ZFYVE28: variants seen among roughly 807,000 people sequenced by gnomAD.
The protein encoded by ZFYVE28 is zinc finger FYVE-type containing 28.
Under a neutral mutation model 82.1 loss-of-function variants are expected in ZFYVE28, and 40 were observed. The observed-to-expected ratio is 0.49, with a 90% confidence interval of 0.38 to 0.63. The LOEUF (loss-of-function observed/expected upper bound fraction) is 0.63. Among genes scored for constraint, ZFYVE28 ranks in the 30% least tolerant of loss-of-function variants. The pLI is 0.00. For missense variants in ZFYVE28, 1,321 were observed against 1,242.1 expected (o/e 1.06, Z -0.96); for synonymous variants, 612 against 546.1 (o/e 1.12, Z -1.68).
intron 1 of ZFYVE28, among the ~76,000 whole-genome samples, chr4:2,376,888 T>C (rs1190631185): frequency 6.6e-6 from 1 of 151,822 alleles, no homozygotes; most frequent in Non-Finnish European, 1.5e-5. Flanking sequence ...ATTGCACCAC[T>C]GTACACCAGC....
At position 2,341,091 on chromosome 4, in the gene ZFYVE28, G is replaced by A. The variant is rs541967517; in HGVS notation, c.318+387C>T. Among the ~76,000 whole-genome samples the A allele has an allele frequency of 1.3e-5, 2 of 151,954 alleles. No homozygotes were observed. The highest frequency in any genetic ancestry group is 2.1e-4 in the South Asian group (1 of 4,826). On this transcript the variant is annotated intron_variant, in intron 3 of 12. Coordinates refer to ENST00000290974, the MANE Select transcript of ZFYVE28 (RefSeq NM_020972.3). This position sits in a 1 kb window ranked among gnomAD's most constrained non-coding sequence, Gnocchi z 4.5. ...CAGGCTATTGCCACATGTGGCCTGC[G>A]TGGGGCTGCAGCACGGCTCCCCAGC...
intron 1 of ZFYVE28, among the ~76,000 whole-genome samples, chr4:2,383,927 C>T (rs1267197943): frequency 1.3e-5 from 2 of 152,208 alleles, no homozygotes; most frequent in Admixed American, 6.5e-5. Flanking sequence ...ATGAGGTCGT[C>T]ACACAGGGTC....
chr4:2,291,490 C>T (rs1168119590), intron 8 of ZFYVE28, among the ~76,000 whole-genome samples: 2 of 152,186 alleles, frequency 1.3e-5, no homozygotes, highest in South Asian at 2.1e-4. Context: ...CCAAAGCCCC[C>T]GCTTCCACCC....
Position 2,416,802 on chromosome 4 carries a change from C to T in ZFYVE28, c.39+1483G>A, listed in dbSNP as rs1014347439. ...GAGTGACGCCACAGGAACCCTGAAT[C>T]CCCCCGAGTCCCCTCCCAATCAAGC... On this transcript the variant is annotated intron_variant, in intron 1 of 12. Transcript: ENST00000290974. The surrounding 1 kb of genome is among the most constrained non-coding windows in gnomAD (Gnocchi z 4.6). 8.5e-5 allele frequency among the ~76,000 whole-genome samples: 10 copies of T among 117,156 alleles called. No individual in the cohort carries two copies. Among genetic ancestry groups the T allele is most frequent in the Admixed American group, 6.8e-4 (9 of 13,184 alleles). 76.9% of individuals were successfully genotyped at this position (117,156 alleles called of 152,430 possible). A position where few individuals can be genotyped will look rare whatever the true frequency, so the allele number is the denominator to read the frequency against.
At chr4:2,311,101 T>G (rs191414525) in intron 7 of ZFYVE28, among the ~76,000 whole-genome samples, 1 of 152,366 alleles carries the variant, frequency 6.6e-6, no homozygotes, top group East Asian at 1.9e-4. Context: ...TATCCTCATA[T>G]CATTTTAATA....
chr4:2,369,464 C>T (rs1422373845), intron 1 of ZFYVE28, among the ~76,000 whole-genome samples: 2 of 152,176 alleles, frequency 1.3e-5, no homozygotes, highest in Non-Finnish European at 2.9e-5. Context: ...TACCCACCCA[C>T]AGTGGGTCAA....
intron 1 of ZFYVE28, among the ~76,000 whole-genome samples, chr4:2,391,780 G>A (rs111984914): frequency 0.12 from 17,493 of 142,864 alleles, 1,070 homozygotes; most frequent in Admixed American, 0.14. Flanking sequence ...CTGTTTCCCA[G>A]GCTGGAGTGC....
chr4:2,294,867 T>C (rs763447861), intron 8 of ZFYVE28, among the ~76,000 whole-genome samples: 1 of 152,094 alleles, frequency 6.6e-6, no homozygotes, highest in Non-Finnish European at 1.5e-5. Flanking sequence ...TTCCAGCTAA[T>C]TGGGAGGCTG....
chr4:2,290,105 AC>A (rs1243817617), intron 8 of ZFYVE28, among the ~76,000 whole-genome samples: 1 of 151,840 alleles, frequency 6.6e-6, no homozygotes, highest in East Asian at 1.9e-4. Flanking sequence ...CGTCAGAGCC[AC>A]CCCCCGGTCA....
rs1560280871 is a variant in ZFYVE28 at position 2,360,427 on chromosome 4, AGGCACGCAC to A, written c.40-6363_40-6355del. On this transcript the variant is annotated intron_variant, in intron 1 of 12. Transcript: ENST00000290974. Reference sequence around the variant, plus strand: ...CACACACACACACACACACACACACAGGCACGCACGCACACACAGAAACCCCGTGCTATT... The same window carrying A: ...CACACACACACACACACACACACACAGCACACACAGAAACCCCGTGCTATT... 9.5e-4 allele frequency among the ~76,000 whole-genome samples: 141 copies of A among 148,718 alleles called. 2 individuals are homozygous for A. The highest frequency in any genetic ancestry group is 3.5e-3 in the Middle Eastern group (1 of 286).
At chr4:2,353,077 T>C (rs912337606) in intron 2 of ZFYVE28, among the ~76,000 whole-genome samples, 9 of 152,114 alleles carry the variant, frequency 5.9e-5, no homozygotes, top group African/African-American at 2.2e-4. Context: ...TCTGAACACA[T>C]GGAAGGTGGA....
chr4:2,367,888 C>T lies in ZFYVE28; in HGVS notation c.40-13815G>A, dbSNP rs540134364. Reference sequence around the variant, plus strand: ...CCCAGGGTGGTTGCTCCTCTAATCACGGAGCCCCTGACTCTGACCCAACAT... The same window carrying T: ...CCCAGGGTGGTTGCTCCTCTAATCATGGAGCCCCTGACTCTGACCCAACAT... On this transcript the variant is annotated intron_variant, in intron 1 of 12. Transcript: ENST00000290974. 2.6e-5 allele frequency among the ~76,000 whole-genome samples: 4 copies of T among 152,298 alleles called. No individual in the cohort carries two copies. The South Asian group carries it at 6.2e-4, about 24-fold the overall frequency.
At chr4:2,299,030 T>A (rs1296414263) in intron 8 of ZFYVE28, among the ~76,000 whole-genome samples, 3 of 152,152 alleles carry the variant, frequency 2.0e-5, no homozygotes, top group Non-Finnish European at 4.4e-5. Context: ...TTTCTAGAAT[T>A]TCTATAAACT....
At chr4:2,369,532 C>T (rs111800113) in intron 1 of ZFYVE28, among the ~76,000 whole-genome samples, 4 of 152,232 alleles carry the variant, frequency 2.6e-5, no homozygotes, top group African/African-American at 9.6e-5. Context: ...TTTGGAAAAA[C>T]GGTTGTTGCA....
Position 2,305,430 on chromosome 4 carries a change from C to G in ZFYVE28, c.910G>C (p.Ala304Pro). The change falls in exon 8 of 13, where the codon GCT becomes CCT. Residue 304 changes from alanine to proline, a missense_variant. Coordinates refer to ENST00000290974, the MANE Select transcript of ZFYVE28 (RefSeq NM_020972.3). Reference protein sequence around the residue: ...FPIRADVQGPAALAPALSAPL... With the variant: ...FPIRADVQGPPALAPALSAPL... ...GCAGAGAGGGCAGGCGCCAGGGCAG[C>G]GGGTCCCTGCACGTCTGCGCGGATG... 1 of 1,612,770 alleles carries G rather than the reference C, an allele frequency of 6.2e-7. No homozygotes were observed. Among genetic ancestry groups the G allele is most frequent in the Non-Finnish European group, 8.5e-7 (1 of 1,179,922 alleles).
At chr4:2,306,774 C>T (rs547948254) in intron 7 of ZFYVE28, 2 of 152,312 alleles carry the variant, frequency 1.3e-5, no homozygotes, top group African/African-American at 4.8e-5. Flanking sequence ...TCTGGCAACG[C>T]TATTTCGTAA....
intron 8 of ZFYVE28, chr4:2,286,953 C>G (rs1195515260): frequency 6.6e-6 from 1 of 152,198 alleles, no homozygotes; most frequent in African/African-American, 2.4e-5. Context: ...TGGATGGATA[C>G]CAACTCCAAT....
rs771695667 is a variant in ZFYVE28, at chr4:2,304,945, G to A, written c.1395C>T (p.Ala465=). 205 of 1,612,492 alleles carry A rather than the reference G, an allele frequency of 1.3e-4. No individual in the cohort carries two copies. Among genetic ancestry groups the A allele is most frequent in the East Asian group, 2.0e-4 (9 of 44,858 alleles). The part of the protein sequence containing the change: ...EEDLSNNNLE[A]EGTDGASLAG... ...CGAGGCTGGCCCCATCTGTGCCCTCGGCCTCGAGATTGTTGTTGCTCAAGT... is the reference window on the plus strand; with the variant it reads ...CGAGGCTGGCCCCATCTGTGCCCTCAGCCTCGAGATTGTTGTTGCTCAAGT... Residue 465 remains alanine, a synonymous_variant, in exon 8 of 13, where the codon GCC becomes GCT. Transcript: ENST00000290974.
At chr4:2,395,735 C>T (rs1411093066) in intron 1 of ZFYVE28, among the ~76,000 whole-genome samples, 1 of 152,170 alleles carries the variant, frequency 6.6e-6, no homozygotes, top group African/African-American at 2.4e-5. Flanking sequence ...GTGGCCGGAC[C>T]CAACACGCCA....
Sources: gnomAD v4.1 joint callset for allele counts (sites outside exome capture counted in the v4.1 genomes callset) on GRCh38, gnomAD v4.1.1 for gene constraint, Gnocchi (gnomAD v3.1) non-coding constraint, MANE v1.5 for transcripts, NCBI Gene and HGNC (gene_info 2026-07-23, HGNC 2026-07-21) for gene names.